The following COL19A1 variants were observed in gnomAD, a reference collection of about 807,000 sequenced individuals.
The protein encoded by COL19A1 is collagen type XIX alpha 1 chain.
A neutral mutation model predicts 190.2 loss-of-function variants in COL19A1; 159 were observed. The ratio of observed to expected loss-of-function variants is 0.84; its 90% CI spans 0.73 to 0.95. The LOEUF is 0.95. COL19A1 is among the 40% of genes least tolerant of loss of function. The probability of loss-of-function intolerance (pLI) is 0.00; values close to 1 mark genes in which losing one functional copy is unlikely to be tolerated. For missense variants in COL19A1, 1,418 were observed against 1,431.9 expected, an observed-to-expected ratio of 0.99 and a Z score of 0.16; for synonymous variants, 509 against 458.9, an observed-to-expected ratio of 1.11 and a Z score of -1.39.
At position 69,903,983 on chromosome 6, in the gene COL19A1, A is replaced by G. The variant is rs151225277; in HGVS notation, c.266+3645A>G. ...TATATAGCCCCGCAGCAACACTGTG[A>G]AAGTCCATTGTCAACCTCCCATCAA... On this transcript the variant is annotated intron_variant, in intron 4 of 50. Coordinates refer to ENST00000620364, the MANE Select transcript of COL19A1 (RefSeq NM_001858.6). Among the ~76,000 whole-genome samples the G allele has an allele frequency of 2.4e-3, 367 of 152,302 alleles. 3 individuals carry two copies. Among genetic ancestry groups the G allele is most frequent in the African/African-American group, 8.5e-3 (352 of 41,556 alleles).
intron 23 of COL19A1, 96 bp downstream of exon 23, chr6:70,142,916 T>C: frequency 8.7e-7 from 1 of 1,152,538 alleles, no homozygotes; most frequent in Middle Eastern, 2.1e-4. Context: ...GAGTTATCCC[T>C]CATTTCCCAA....
chr6:70,009,459 C>A (rs546461003), intron 11 of COL19A1, among the ~76,000 whole-genome samples: 1 of 151,946 alleles, frequency 6.6e-6, no homozygotes, highest in African/African-American at 2.4e-5. Flanking sequence ...TTCAAGAAGA[C>A]CTAAATAAAT....
At chr6:70,166,020 G>T in intron 37 of COL19A1, 35 bp downstream of exon 37, 1 of 1,586,722 alleles carries the variant, frequency 6.3e-7, no homozygotes, top group Non-Finnish European at 8.7e-7. Context: ...TAAAATTCAT[G>T]TGTTTACTTA....
rs78792977 is a variant in COL19A1 at position 70,210,254 on chromosome 6, C to T, written c.*2980C>T. Among the ~76,000 whole-genome samples, 5,917 of 152,206 alleles carry T rather than the reference C, an allele frequency of 0.039. 159 individuals are homozygous for T. Among genetic ancestry groups the T allele is most frequent in the Non-Finnish European group, 0.06 (4,063 of 67,974 alleles). On this transcript the variant is annotated 3_prime_UTR_variant, in exon 51 of 51. Transcript: ENST00000620364. ...GTTCAAAACACTTTCAGATAGAAGT[C>T]TTTCTATGCAAAGATTAAAGTATGA...
intron 49 of COL19A1, among the ~76,000 whole-genome samples, chr6:70,205,027 G>A (rs1767774367): frequency 6.6e-6 from 1 of 152,084 alleles, no homozygotes; most frequent in Non-Finnish European, 1.5e-5. Flanking sequence ...TTTCAATATA[G>A]ATCAACTATG....
chr6:70,134,760 C>G (rs1198267436), intron 18 of COL19A1, among the ~76,000 whole-genome samples: 1 of 152,184 alleles, frequency 6.6e-6, no homozygotes, highest in Non-Finnish European at 1.5e-5. Flanking sequence ...AGTATCAACT[C>G]TCACAGCACA....
intron 4 of COL19A1, among the ~76,000 whole-genome samples, chr6:69,921,927 A>G (rs181492486): frequency 3.9e-5 from 6 of 152,136 alleles, no homozygotes; most frequent in African/African-American, 9.6e-5. Context: ...TAAGCAATGG[A>G]TAGGATTTCT....
At chr6:70,019,935 T>C (rs1244748880) in intron 11 of COL19A1, among the ~76,000 whole-genome samples, 1 of 152,116 alleles carries the variant, frequency 6.6e-6, no homozygotes, top group African/African-American at 2.4e-5. Context: ...TTGTTTGGAA[T>C]TTATTAAATA....
chr6:69,910,209 G>C (rs1770820088), intron 4 of COL19A1, among the ~76,000 whole-genome samples: 1 of 152,092 alleles, frequency 6.6e-6, no homozygotes. Context: ...AGGCACATGT[G>C]ACTACCCAGT....
intron 9 of COL19A1, among the ~76,000 whole-genome samples, chr6:69,953,139 A>AATGAGGAG (rs1774215942): frequency 6.6e-6 from 1 of 152,080 alleles, no homozygotes; most frequent in African/African-American, 2.4e-5. Context: ...GGAAAAAAAA[A>AATGAGGAG]GACAACTTAG....
At chr6:70,070,756 T>A (rs1781498162) in intron 15 of COL19A1, among the ~76,000 whole-genome samples, 1 of 152,136 alleles carries the variant, frequency 6.6e-6, no homozygotes, top group Admixed American at 6.6e-5. Context: ...TAAATGTATT[T>A]GTACATGTAT....
intron 14 of COL19A1, among the ~76,000 whole-genome samples, chr6:70,057,717 T>C (rs908605212): frequency 1.3e-5 from 2 of 152,122 alleles, no homozygotes; most frequent in African/African-American, 4.8e-5. Context: ...GCATAGCATC[T>C]ATTTGCAGTA....
At chr6:70,116,068 T>TA (rs1784565072) in intron 16 of COL19A1, among the ~76,000 whole-genome samples, 1 of 152,156 alleles carries the variant, frequency 6.6e-6, no homozygotes, top group Admixed American at 6.6e-5. Context: ...TAAAGAACAT[T>TA]ATTGATTTTT....
At chr6:70,083,281 G>A (rs1782382522) in intron 15 of COL19A1, among the ~76,000 whole-genome samples, 1 of 152,070 alleles carries the variant, frequency 6.6e-6, no homozygotes, top group Non-Finnish European at 1.5e-5. Flanking sequence ...GAGTGCCATA[G>A]GGAATCTTTA....
chr6:70,193,689 T>C (rs1358418573), intron 48 of COL19A1, among the ~76,000 whole-genome samples: 6 of 152,222 alleles, frequency 3.9e-5, no homozygotes, highest in Admixed American at 3.9e-4. Context: ...TGATAGCCCT[T>C]TCCTTTTGTC....
chr6:69,884,354 A>C (rs935655230), intron 2 of COL19A1, among the ~76,000 whole-genome samples: 2 of 152,050 alleles, frequency 1.3e-5, no homozygotes, highest in African/African-American at 4.8e-5. Context: ...AAAAAAAAAA[A>C]AGTATCAGAC....
Position 69,998,561 on chromosome 6 carries a change from G to A in COL19A1, c.1027-25066G>A, listed in dbSNP as rs577924622. On this transcript the variant is annotated intron_variant, in intron 11 of 50. Coordinates refer to ENST00000620364, the MANE Select transcript of COL19A1 (RefSeq NM_001858.6). ...CTCAGGAGGCTGCAGCAGGAGAATT[G>A]CATGAACCGGGAAGTGGACGTTGCA... Among the ~76,000 whole-genome samples the A allele has an allele frequency of 2.7e-5, 4 of 149,128 alleles. No individual in the cohort carries two copies. In the South Asian group the frequency reaches 8.4e-4, roughly 31 times the overall value.
chr6:69,910,204 C>T (rs1477792807), intron 4 of COL19A1, among the ~76,000 whole-genome samples: 1 of 152,156 alleles, frequency 6.6e-6, no homozygotes, highest in Non-Finnish European at 1.5e-5. Context: ...GAACAAGGCA[C>T]ATGTGACTAC....
At chr6:70,147,006 C>A in intron 27 of COL19A1, 117 bp downstream of exon 27, 1 of 854,264 alleles carries the variant, frequency 1.2e-6, no homozygotes, top group Non-Finnish European at 1.8e-6. Context: ...CAAATAAACA[C>A]TATCCAGAGA....
Sources: allele counts gnomAD v4.1 joint callset (sites outside exome capture counted in the v4.1 genomes callset), GRCh38; gene constraint gnomAD v4.1.1; transcripts MANE v1.5; gene names NCBI Gene and HGNC (gene_info 2026-07-23, HGNC 2026-07-21).